Variants in RBFOX1 observed in about 807,000 individuals in gnomAD.
RBFOX1 encodes RNA binding protein fox-1 homolog 1.
A neutral mutation model predicts 57.7 loss-of-function variants in RBFOX1; 8 were observed. The observed-to-expected ratio is 0.14, with a 90% confidence interval of 0.08 to 0.25. The LOEUF (loss-of-function observed/expected upper bound fraction) is 0.25. Among genes scored for constraint, RBFOX1 ranks in the 10% least tolerant of loss-of-function variants. The pLI, the probability that RBFOX1 is intolerant of heterozygous loss-of-function variation, is 1.00. For synonymous variants in RBFOX1, 326 were observed against 222.4 expected, an observed-to-expected ratio of 1.47 and a Z score of -4.15; for missense variants, 611 against 548.5, an observed-to-expected ratio of 1.11 and a Z score of -1.14.
At chr16:5,862,302 C>A (rs1454777216) in intron 3 of RBFOX1, among the ~76,000 whole-genome samples, 2 of 152,174 alleles carry the variant, frequency 1.3e-5, no homozygotes, top group East Asian at 1.9e-4. Context: ...ACAGTTAAAG[C>A]CTTCCCGGTC....
At chr16:5,762,367 A>T (rs976944933) in intron 3 of RBFOX1, among the ~76,000 whole-genome samples, 2 of 152,250 alleles carry the variant, frequency 1.3e-5, no homozygotes, top group South Asian at 2.1e-4. Context: ...AAAAAAAAAA[A>T]AAACGAAGAA....
intron 4 of RBFOX1, among the ~76,000 whole-genome samples, chr16:5,899,752 G>T (rs1366641376): frequency 6.6e-6 from 1 of 152,192 alleles, no homozygotes; most frequent in Non-Finnish European, 1.5e-5. Flanking sequence ...AGATTCACCT[G>T]AATGGGCATG....
chr16:7,557,231 T>G (rs573237561), intron 5 of RBFOX1, among the ~76,000 whole-genome samples: 100 of 152,268 alleles, frequency 6.6e-4, no homozygotes, highest in Non-Finnish European at 1.3e-3. Flanking sequence ...AGCTGAGGGC[T>G]TCATCAGTAC....
At chr16:7,694,177 G>A (rs1224004240) in intron 14 of RBFOX1, among the ~76,000 whole-genome samples, 2 of 152,124 alleles carry the variant, frequency 1.3e-5, no homozygotes, top group East Asian at 3.9e-4. Context: ...ACAATCACTA[G>A]GAAGTCTTGC....
intron 3 of RBFOX1, among the ~76,000 whole-genome samples, chr16:6,719,218 A>G (rs1483529992): frequency 2.6e-5 from 4 of 152,092 alleles, no homozygotes; most frequent in Non-Finnish European, 5.9e-5. Context: ...AGTCTTCACT[A>G]CTTTCCTTCA....
At chr16:6,768,843 C>G (rs372862228) in intron 3 of RBFOX1, among the ~76,000 whole-genome samples, 28 of 151,822 alleles carry the variant, frequency 1.8e-4, no homozygotes, top group African/African-American at 6.5e-4. Context: ...ATTCTTCTGC[C>G]TCAGCCTCCC....
chr16:7,671,158 A>C (rs2071310142), intron 13 of RBFOX1, among the ~76,000 whole-genome samples: 2 of 152,242 alleles, frequency 1.3e-5, no homozygotes, highest in African/African-American at 4.8e-5. Context: ...TACTTCAATA[A>C]TAAGGCATTC....
At chr16:5,391,619 C>T (rs2066409795) in intron 1 of RBFOX1, among the ~76,000 whole-genome samples, 1 of 152,138 alleles carries the variant, frequency 6.6e-6, no homozygotes, top group Non-Finnish European at 1.5e-5. Context: ...TTCGTTCCTC[C>T]TGAAGGCTGT....
intron 3 of RBFOX1, among the ~76,000 whole-genome samples, chr16:6,859,595 T>G (rs1603633321): frequency 6.6e-6 from 1 of 152,094 alleles, no homozygotes; most frequent in African/African-American, 2.4e-5. Flanking sequence ...TAGAAAATGC[T>G]TCAGAGATCT....
chr16:5,919,011 GA>G (rs2058763730), intron 4 of RBFOX1, among the ~76,000 whole-genome samples: 1 of 152,200 alleles, frequency 6.6e-6, no homozygotes, highest in Admixed American at 6.5e-5. Flanking sequence ...GTGACCATGG[GA>G]TAATTTGCCT....
intron 3 of RBFOX1, among the ~76,000 whole-genome samples, chr16:5,691,486 A>T (rs983764674): frequency 1.3e-5 from 2 of 152,196 alleles, no homozygotes; most frequent in Non-Finnish European, 2.9e-5. Flanking sequence ...AACTTTTAAA[A>T]TATGTATATA....
chr16:7,437,169 T>C (rs574852361), intron 4 of RBFOX1, among the ~76,000 whole-genome samples: 17 of 152,096 alleles, frequency 1.1e-4, no homozygotes, highest in Non-Finnish European at 2.2e-4. Flanking sequence ...TGTTTTATGA[T>C]ACTGTGCTAG....
At chr16:5,918,029 G>A (rs1321431093) in intron 4 of RBFOX1, among the ~76,000 whole-genome samples, 1 of 152,100 alleles carries the variant, frequency 6.6e-6, no homozygotes, top group Non-Finnish European at 1.5e-5. Context: ...TTCTAAGAAA[G>A]CCCTCCTTTC....
At chr16:5,328,540 A>G (rs2064651472) in intron 1 of RBFOX1, among the ~76,000 whole-genome samples, 1 of 152,250 alleles carries the variant, frequency 6.6e-6, no homozygotes, top group African/African-American at 2.4e-5. Flanking sequence ...AGCATTGCTA[A>G]TGTCCCAGAC....
chr16:6,149,429 C>A (rs144139646), intron 1 of RBFOX1, among the ~76,000 whole-genome samples: 1 of 152,248 alleles, frequency 6.6e-6, no homozygotes, highest in East Asian at 1.9e-4. Flanking sequence ...TAGAAGTACC[C>A]GTGTATGCTT....
chr16:7,176,043 A>T (rs2081583247), intron 4 of RBFOX1, among the ~76,000 whole-genome samples: 1 of 151,914 alleles, frequency 6.6e-6, no homozygotes, highest in African/African-American at 2.4e-5. Context: ...CATGTAACCA[A>T]GATGGACCTC....
intron 2 of RBFOX1, among the ~76,000 whole-genome samples, chr16:6,344,694 GTTTTTTT>G (rs5815301): frequency 2.3e-5 from 2 of 88,350 alleles, no homozygotes; most frequent in African/African-American, 4.7e-5. Flanking sequence ...ACCGAGCCCG[GTTTTTTT>G]TTTTTTTTTT....
At chr16:5,889,370 T>G (rs2151931704) in intron 4 of RBFOX1, among the ~76,000 whole-genome samples, 1 of 152,330 alleles carries the variant, frequency 6.6e-6, no homozygotes, top group East Asian at 1.9e-4. Flanking sequence ...TGGCTTCCAG[T>G]TCCATGTCCC....
At chr16:7,067,613 C>T (rs57049158) in intron 4 of RBFOX1, among the ~76,000 whole-genome samples, 2 of 150,992 alleles carry the variant, frequency 1.3e-5, no homozygotes, top group Non-Finnish European at 2.9e-5. Flanking sequence ...TATACATGTG[C>T]CATGTTGGTG....
Sources: allele counts gnomAD v4.1 joint callset (sites outside exome capture counted in the v4.1 genomes callset), GRCh38; gene constraint gnomAD v4.1.1; transcripts MANE v1.5; gene names NCBI Gene and HGNC (gene_info 2026-07-23, HGNC 2026-07-21).